Variants in PARP9 observed in about 807,000 individuals in gnomAD.
PARP9 encodes the protein poly(ADP-ribose) polymerase family member 9.
In PARP9, 48 loss-of-function variants were observed where a neutral mutation model predicts 68.8. That is an observed-to-expected ratio of 0.70 (90% CI 0.55 to 0.89). The LOEUF is 0.89. Among genes scored for constraint, PARP9 ranks in the 40% least tolerant of loss-of-function variants. The pLI, the probability that PARP9 is intolerant of heterozygous loss-of-function variation, is 0.00. For missense variants in PARP9, 806 were observed against 969.3 expected (o/e 0.83, Z 2.24); for synonymous variants, 309 against 333.8 (o/e 0.93, Z 0.81).
chr3:122,535,913 C>T (rs952748898), intron 10 of PARP9: 3 of 1,308,572 alleles, frequency 2.3e-6, no homozygotes, highest in Non-Finnish European at 2.9e-6. Context: ...AGGAGAAAAA[C>T]AGTGAACCGT....
At chr3:122,529,909 A>T (rs1247460261) in intron 10 of PARP9, among the ~76,000 whole-genome samples, 1 of 151,814 alleles carries the variant, frequency 6.6e-6, no homozygotes, top group Non-Finnish European at 1.5e-5. Context: ...AAAATATGTC[A>T]TCTGGGCCCG....
At position 122,556,011 on chromosome 3, in the gene PARP9, A is replaced by G; in HGVS notation, c.160T>C (p.Phe54Leu). Reference sequence around the variant, plus strand: ...GAGACCAGGGTAGAGATACAGCCAAACTTATTCTGGAGGACTTCACACAGC... The same window carrying G: ...GAGACCAGGGTAGAGATACAGCCAAGCTTATTCTGGAGGACTTCACACAGC... ...RQLCEVLQNK[F>L]GCISTLVSPV... is the part of the protein sequence containing the mutation. Residue 54 changes from phenylalanine (F) to leucine (L), a missense_variant, in exon 4 of 11, where the codon TTT becomes CTT. Transcript: ENST00000682323. 6.2e-7 allele frequency: 1 copy of G among 1,614,020 alleles called. No individual in the cohort carries two copies. The highest frequency in any genetic ancestry group is 2.2e-5 in the East Asian group (1 of 44,882).
At chr3:122,540,897 T>TG in intron 7 of PARP9, 45 bp from the exon 8 acceptor site, 2 of 1,229,772 alleles carry the variant, frequency 1.6e-6, no homozygotes, top group South Asian at 1.4e-5. Context: ...AGCAGTTTTT[T>TG]GTTTTTTTTT....
Position 122,528,482 on chromosome 3 carries a change from T to C in PARP9, c.2342A>G (p.Gln781Arg). The C allele has an allele frequency of 6.2e-7, 1 of 1,614,198 alleles. No individual in the cohort carries two copies. Among genetic ancestry groups the C allele is most frequent in the Non-Finnish European group, 8.5e-7 (1 of 1,180,026 alleles). ...VIFSGMQAIP[Q>R]YLWTCTQEYV... Reference sequence around the variant, plus strand: ...TTCCTGGGTGCATGTCCACAAATACTGAGGTATAGCCTGCATGCCACTAAA... The same window carrying C: ...TTCCTGGGTGCATGTCCACAAATACCGAGGTATAGCCTGCATGCCACTAAA... The change falls in exon 11 of 11, where the codon CAG (glutamine) becomes CGG (arginine). Residue 781 changes from glutamine (Q) to arginine (R), a missense_variant. Physicochemically the swap from Gln to Arg is conservative, Grantham distance 43. Around this residue, in one of 2 missense-constraint regions of PARP9, gnomAD observed 680 missense variants for 858.8 expected, o/e 0.79. Transcript: ENST00000682323.
chr3:122,528,166 T>C lies in PARP9; in HGVS notation c.*198A>G. On this transcript the variant is annotated 3_prime_UTR_variant, in exon 11 of 11. Transcript: ENST00000682323. ...TCCTGAAAGTGTTTCATTTGGTATC[T>C]ACCTACCCCAACCCCAAGACATAAA... 1 of 563,988 alleles carries C rather than the reference T, an allele frequency of 1.8e-6. No individual in the cohort carries two copies. Among genetic ancestry groups the C allele is most frequent in the East Asian group, 3.1e-5 (1 of 32,116 alleles). The allele number at this position is 563,988 out of a possible 1,614,324, so 34.9% of individuals were successfully genotyped here.
intron 8 of PARP9, among the ~76,000 whole-genome samples, chr3:122,539,507 A>ATTCCTTTCTTTC (rs1553714534): frequency 4.9e-4 from 65 of 133,232 alleles, no homozygotes; most frequent in South Asian, 2.5e-3. Flanking sequence ...CCAAGATGGC[A>ATTCCTTTCTTTC]TTTCTTTCTT....
Position 122,528,340 on chromosome 3 carries a change from C to A in PARP9, c.*24G>T. The A allele has an allele frequency of 1.3e-6, 2 of 1,597,928 alleles. No homozygotes were observed. The highest frequency in any genetic ancestry group is 8.5e-7 in the Non-Finnish European group (1 of 1,171,278). The stretch of plus-strand genomic sequence containing the variant: ...TTAGTTCACCCAAGGTAAGGCCATA[C>A]CAGCTGTTAAAATGATGTAGAGATT... On this transcript the variant is annotated 3_prime_UTR_variant, in exon 11 of 11. Coordinates refer to ENST00000682323, the MANE Select transcript of PARP9 (RefSeq NM_001146105.2).
chr3:122,536,571 A>C, intron 9 of PARP9: 1 of 763,292 alleles, frequency 1.3e-6, no homozygotes, highest in South Asian at 2.2e-5. Flanking sequence ...TTTAACAAAA[A>C]TTCACTGACC....
Position 122,528,877 on chromosome 3 carries a change from A to G in PARP9, c.2081-134T>C, listed in dbSNP as rs1288104699. The G allele has an allele frequency of 7.9e-6, 7 of 885,252 alleles. No homozygotes were observed. In the East Asian group the frequency reaches 1.9e-4, roughly 24 times the overall value. The allele number at this position is 885,252 out of a possible 1,614,324, so 54.8% of individuals were successfully genotyped here. On this transcript the variant is annotated intron_variant, in intron 10 of 10. Coordinates refer to ENST00000682323, the MANE Select transcript of PARP9 (RefSeq NM_001146105.2). Reference sequence around the variant, plus strand: ...CTCCTGATTCTGAGTTCCTGTGTCTATAGCAAAGACACTCAAAATTGTTCC... The same window carrying G: ...CTCCTGATTCTGAGTTCCTGTGTCTGTAGCAAAGACACTCAAAATTGTTCC...
At chr3:122,535,411 C>T in intron 10 of PARP9, 4 of 985,392 alleles carry the variant, frequency 4.1e-6, no homozygotes, top group Non-Finnish European at 4.8e-6. Context: ...AAGGATCATG[C>T]TACATATGTT....
intron 9 of PARP9, 156 bp from the exon 10 acceptor site, chr3:122,536,498 C>T: frequency 1.6e-6 from 2 of 1,280,594 alleles, no homozygotes; most frequent in African/African-American, 3.0e-5. Context: ...TCTCTCCTCC[C>T]TCTAATCCTC....
At chr3:122,528,860 T>A (rs948113285) in intron 10 of PARP9, 117 bp from the exon 11 acceptor site, 1 of 1,044,710 alleles carries the variant, frequency 9.6e-7, no homozygotes, top group African/African-American at 1.6e-5. Context: ...TCCTCCTGAT[T>A]CTGAGTTCCT....
intron 10 of PARP9, chr3:122,533,617 C>T (rs2077451007): frequency 1.1e-6 from 1 of 878,344 alleles, no homozygotes; most frequent in African/African-American, 1.8e-5. Flanking sequence ...TTTATTTACA[C>T]TCTATTTCTA....
At chr3:122,541,509 G>C (rs1049230479) in intron 7 of PARP9, among the ~76,000 whole-genome samples, 2 of 152,076 alleles carry the variant, frequency 1.3e-5, no homozygotes, top group Non-Finnish European at 1.5e-5. Context: ...TTAACCTCTT[G>C]CTACTAGTTT....
rs201391405 is a variant in PARP9 at position 122,555,497 on chromosome 3, C to T, written c.674G>A (p.Arg225Gln). The part of the protein sequence containing the change: ...LCTKTIVETI[R>Q]VSLQGKPMMS... ...CATTGGCTTCCCTTGCAAACTAACC[C>T]GGATAGTCTCTACAATAGTCTTTGT... Residue 225 changes from arginine to glutamine, a missense_variant, in exon 4 of 11, where the codon CGG (arginine) becomes CAG (glutamine). Transcript: ENST00000682323. 2.3e-5 allele frequency: 37 copies of T among 1,614,102 alleles called. No individual in the cohort carries two copies. The East Asian group carries it at 5.6e-4, about 24-fold the overall frequency.
intron 7 of PARP9, 59 bp downstream of exon 7, chr3:122,545,373 G>T: frequency 2.0e-6 from 3 of 1,535,890 alleles, no homozygotes; most frequent in Non-Finnish European, 2.7e-6. Context: ...AGATGATCAA[G>T]AATAGAATGA....
chr3:122,533,969 G>C, intron 10 of PARP9: 1 of 985,430 alleles, frequency 1.0e-6, no homozygotes, highest in African/African-American at 1.7e-5. Flanking sequence ...TGTCTCCTGG[G>C]CTTGTCTGGC....
At chr3:122,546,317 C>T (rs1427012715) in intron 6 of PARP9, among the ~76,000 whole-genome samples, 4 of 152,184 alleles carry the variant, frequency 2.6e-5, no homozygotes, top group Admixed American at 1.3e-4. Flanking sequence ...TGATGCTGGG[C>T]GGCGGCAGCA....
At chr3:122,551,080 C>T (rs1263396464) in intron 5 of PARP9, among the ~76,000 whole-genome samples, 1 of 152,156 alleles carries the variant, frequency 6.6e-6, no homozygotes, top group East Asian at 1.9e-4. Context: ...TACCCATCCC[C>T]CCAGGTCAGA....
Sources: allele counts gnomAD v4.1 joint callset (sites outside exome capture counted in the v4.1 genomes callset), GRCh38; gene constraint gnomAD v4.1.1; regional missense constraint gnomAD v4.1.1; transcripts MANE v1.5; gene names NCBI Gene and HGNC (gene_info 2026-07-23, HGNC 2026-07-21).